The following YARS1 variants were observed in gnomAD, a reference collection of about 807,000 sequenced individuals.
The protein encoded by YARS1 is tyrosyl-tRNA synthetase 1.
Under a neutral mutation model 62.2 loss-of-function variants are expected in YARS1, and 36 were observed. That is an observed-to-expected ratio of 0.58 (90% CI 0.44 to 0.76). The LOEUF (loss-of-function observed/expected upper bound fraction) is 0.76. Among genes scored for constraint, YARS1 ranks in the 30% least tolerant of loss-of-function variants. The pLI, the probability that YARS1 is intolerant of heterozygous loss-of-function variation, is 0.00. For synonymous variants in YARS1, 234 were observed against 244.9 expected, an observed-to-expected ratio of 0.96 and a Z score of 0.42; for missense variants, 524 against 639.8, an observed-to-expected ratio of 0.82 and a Z score of 1.95.
At chr1:32,777,898 C>A (rs751383346) in intron 12 of YARS1, among the ~76,000 whole-genome samples, 1 of 152,148 alleles carries the variant, frequency 6.6e-6, no homozygotes, top group Non-Finnish European at 1.5e-5. Context: ...TAATAACATT[C>A]TTTAATATCT....
intron 5 of YARS1, among the ~76,000 whole-genome samples, chr1:32,793,473 T>C (rs1210816627): frequency 6.6e-6 from 1 of 151,760 alleles, no homozygotes; most frequent in East Asian, 1.9e-4. Context: ...TGAAATTCCA[T>C]CTCCAAAAAA....
intron 6 of YARS1, among the ~76,000 whole-genome samples, chr1:32,788,225 A>G (rs930147060): frequency 7.9e-5 from 12 of 152,174 alleles, no homozygotes; most frequent in African/African-American, 2.7e-4. Context: ...TCTTTTAAGT[A>G]TTTCTGAGTG....
intron 1 of YARS1, among the ~76,000 whole-genome samples, chr1:32,812,953 A>C (rs1047551517): frequency 6.8e-6 from 1 of 147,406 alleles, no homozygotes; most frequent in Admixed American, 6.9e-5. Context: ...GGGCAACAAG[A>C]ACGACACTCT....
At chr1:32,780,551 C>A (rs1653019147) in intron 10 of YARS1, 2 of 516,096 alleles carry the variant, frequency 3.9e-6, no homozygotes, top group Non-Finnish European at 7.0e-6. Context: ...GATGCAGGAG[C>A]ACCAGCATTG....
At chr1:32,790,513 C>CAAAAAAAAAA (rs35718370) in intron 6 of YARS1, 3 of 65,564 alleles carry the variant, frequency 4.6e-5, no homozygotes, top group Admixed American at 2.4e-4. Flanking sequence ...GACTCCATCT[C>CAAAAAAAAAA]AAAAAAAAAA....
At chr1:32,779,881 T>C (rs1398412453) in intron 11 of YARS1, 5 of 665,976 alleles carry the variant, frequency 7.5e-6, no homozygotes, top group Non-Finnish European at 1.0e-5. Flanking sequence ...CCATTTCTAT[T>C]TTAACAAAAT....
intron 6 of YARS1, 140 bp downstream of exon 6, chr1:32,791,022 T>TA: frequency 2.5e-6 from 2 of 812,800 alleles, no homozygotes; most frequent in Non-Finnish European, 4.3e-6. Flanking sequence ...CAAGAACCAC[T>TA]AAACTAATTG....
rs541600878 is a variant in YARS1, at chr1:32,795,592, G to A, written c.591+2171C>T. Among the ~76,000 whole-genome samples the A allele has an allele frequency of 9.2e-5, 14 of 152,046 alleles. No homozygotes were observed. The South Asian group carries it at 2.7e-3, about 29-fold the overall frequency. ...GAGGCCAAGGCGGGCAGATCATGAG[G>A]TCAAGAGATCAAGACCATTCCTGGC... On this transcript the variant is annotated intron_variant, in intron 5 of 12. Transcript: ENST00000373477.
rs1652836589 is a variant in YARS1, at chr1:32,775,801, C to T, written c.*180G>A. ...GGGTTGGTCTCTCACTGCAGCCAGA[C>T]AGGATGATCCTGGGTTCTGGGGAGG... On this transcript the variant is annotated 3_prime_UTR_variant, in exon 13 of 13. Coordinates refer to ENST00000373477, the MANE Select transcript of YARS1 (RefSeq NM_003680.4). 1.6e-6 allele frequency: 1 copy of T among 638,186 alleles called. No homozygotes were observed. The highest frequency in any genetic ancestry group is 2.4e-5 in the Admixed American group (1 of 40,968). The allele number at this position is 638,186 out of a possible 1,614,324, so 39.5% of individuals were successfully genotyped here.
At chr1:32,790,850 C>T (rs1653391992) in intron 6 of YARS1, 1 of 340,812 alleles carries the variant, frequency 2.9e-6, no homozygotes, top group Non-Finnish European at 5.6e-6. Context: ...AATCAAAATG[C>T]TAATTAGTGA....
chr1:32,812,754 T>A (rs1638612407), intron 1 of YARS1, among the ~76,000 whole-genome samples: 2 of 151,982 alleles, frequency 1.3e-5, no homozygotes, highest in African/African-American at 4.8e-5. Context: ...GGGCAGATCA[T>A]CAGATCAGGG....
intron 5 of YARS1, among the ~76,000 whole-genome samples, chr1:32,794,640 T>C (rs1302962280): frequency 6.6e-6 from 1 of 151,868 alleles, no homozygotes; most frequent in Non-Finnish European, 1.5e-5. Flanking sequence ...TCTGCCTGTC[T>C]TGGCCTCCCA....
chr1:32,782,322 C>T lies in YARS1; in HGVS notation c.1042+82G>A, dbSNP rs560656134. 6.2e-6 allele frequency: 10 copies of T among 1,611,110 alleles called. No homozygotes were observed. In the East Asian group the frequency reaches 1.8e-4, roughly 29 times the overall value. Reference sequence around the variant, plus strand: ...CAGACCCCCTGGGTTGTTGTGCCCTCAATTTAAGACAGGCATTTTTCCAAG... The same window carrying T: ...CAGACCCCCTGGGTTGTTGTGCCCTTAATTTAAGACAGGCATTTTTCCAAG... On this transcript the variant is annotated intron_variant, in intron 9 of 12. Transcript: ENST00000373477.
At position 32,806,586 on chromosome 1, in the gene YARS1, G is replaced by A. The variant is rs1638471685; in HGVS notation, c.406C>T (p.Leu136Phe). Residue 136 changes from leucine (L) to phenylalanine (F), a missense_variant, in exon 4 of 13, where the codon CTC becomes TTC. Leu to Phe is a conservative substitution (Grantham distance 22). Coordinates refer to ENST00000373477, the MANE Select transcript of YARS1 (RefSeq NM_003680.4). ...TCGTGCTGTGTGACCACGGAGGAGA[G>A]TCTGTACACATCTAGTGTGTACTCT... ...SKEYTLDVYR[L>F]SSVVTQHDSK... is the part of the protein sequence containing the mutation. The A allele has an allele frequency of 6.2e-7, 1 of 1,614,166 alleles. No individual in the cohort carries two copies. Among genetic ancestry groups the A allele is most frequent in the Non-Finnish European group, 8.5e-7 (1 of 1,180,036 alleles).
chr1:32,802,211 T>A (rs898213592), intron 4 of YARS1, among the ~76,000 whole-genome samples: 1 of 152,168 alleles, frequency 6.6e-6, no homozygotes, highest in African/African-American at 2.4e-5. Context: ...CCTCCCAAAG[T>A]GCTGGGATGA....
intron 4 of YARS1, chr1:32,798,120 C>T (rs775419286): frequency 2.2e-4 from 92 of 411,478 alleles, no homozygotes; most frequent in Non-Finnish European, 4.0e-4. Flanking sequence ...TGGCCACCCA[C>T]CTTGGCCTCC....
At chr1:32,807,012 A>G (rs928189063) in intron 3 of YARS1, among the ~76,000 whole-genome samples, 3 of 152,226 alleles carry the variant, frequency 2.0e-5, no homozygotes, top group African/African-American at 7.2e-5. Flanking sequence ...CATGGAGCCC[A>G]GACTGCAGAA....
intron 1 of YARS1, chr1:32,816,843 T>G: frequency 2.1e-6 from 1 of 470,486 alleles, no homozygotes; most frequent in East Asian, 3.8e-5. Flanking sequence ...TTTTAACGTC[T>G]GATCCCCTTC....
At chr1:32,811,312 C>A (rs555191088) in intron 1 of YARS1, 4 of 533,296 alleles carry the variant, frequency 7.5e-6, no homozygotes, top group South Asian at 2.0e-5. Context: ...CTCTTACCCA[C>A]CCCCCTTCCT....
Sources: allele counts gnomAD v4.1 joint callset (sites outside exome capture counted in the v4.1 genomes callset), GRCh38; gene constraint gnomAD v4.1.1; transcripts MANE v1.5; gene names NCBI Gene and HGNC (gene_info 2026-07-23, HGNC 2026-07-21).